AGBL4: variants seen among roughly 807,000 people sequenced by gnomAD.
AGBL4 encodes the protein cytosolic carboxypeptidase 6.
In AGBL4, 58 loss-of-function variants were observed where a neutral mutation model predicts 66.4. The observed-to-expected ratio is 0.87, with a 90% CI of 0.71 to 1.09. The LOEUF (loss-of-function observed/expected upper bound fraction) is 1.09, where lower values mean the gene tolerates loss of function less well. AGBL4 is among the 50% of genes least tolerant of loss of function. AGBL4 has a pLI of 0.00. For synonymous variants in AGBL4, 234 were observed against 222.9 expected, an observed-to-expected ratio of 1.05 and a Z score of -0.44; for missense variants, 579 against 631.0, an observed-to-expected ratio of 0.92 and a Z score of 0.88.
intron 3 of AGBL4, among the ~76,000 whole-genome samples, chr1:49,644,737 A>G (rs1645851555): frequency 6.6e-6 from 1 of 151,586 alleles, no homozygotes; most frequent in Admixed American, 6.6e-5. Context: ...AAGGATGCAG[A>G]AGACTTGAAT....
chr1:49,554,120 A>T (rs1394514655), intron 3 of AGBL4, among the ~76,000 whole-genome samples: 2 of 152,172 alleles, frequency 1.3e-5, no homozygotes, highest in Non-Finnish European at 2.9e-5. Context: ...GTGACAAAGC[A>T]AGATCCTGTC....
At chr1:48,600,972 G>C (rs319980) in intron 9 of AGBL4, among the ~76,000 whole-genome samples, 62,755 of 151,932 alleles carry the variant, frequency 0.41, 13,487 homozygotes, top group African/African-American at 0.54. Flanking sequence ...CTTTCTCCAC[G>C]TCTATGCCTG....
At position 49,192,187 on chromosome 1, in the gene AGBL4, T is replaced by C. The variant is rs546001682; in HGVS notation, c.377+53583A>G. Among the ~76,000 whole-genome samples the C allele has an allele frequency of 2.0e-5, 3 of 152,342 alleles. No homozygotes were observed. In the South Asian group the frequency reaches 6.2e-4, roughly 32 times the overall value. On this transcript the variant is annotated intron_variant, in intron 4 of 13. Coordinates refer to ENST00000371839, the MANE Select transcript of AGBL4 (RefSeq NM_032785.4). ...AGATGGTATCTCATTGTGGTTTTGA[T>C]TTGCATTTCTCTGATGATTAGTGAT...
At chr1:48,930,041 C>T (rs72682923) in intron 5 of AGBL4, among the ~76,000 whole-genome samples, 3 of 152,212 alleles carry the variant, frequency 2.0e-5, no homozygotes, top group Non-Finnish European at 4.4e-5. Context: ...ATCTAGCCCT[C>T]GTTTTTCTAG....
At chr1:49,258,493 G>A (rs1256650067) in intron 3 of AGBL4, among the ~76,000 whole-genome samples, 1 of 152,140 alleles carries the variant, frequency 6.6e-6, no homozygotes, top group African/African-American at 2.4e-5. Context: ...CAAGGCTCGA[G>A]AACTACGTGA....
At chr1:49,796,827 T>C (rs1644742166) in intron 2 of AGBL4, among the ~76,000 whole-genome samples, 1 of 152,038 alleles carries the variant, frequency 6.6e-6, no homozygotes, top group South Asian at 2.1e-4. Context: ...TTTCAATATT[T>C]AAAAGTGACT....
At chr1:49,084,545 G>A (rs1644869683) in intron 4 of AGBL4, among the ~76,000 whole-genome samples, 1 of 152,104 alleles carries the variant, frequency 6.6e-6, no homozygotes, top group South Asian at 2.1e-4. Context: ...ACTACCATGA[G>A]AACAGTATGG....
In AGBL4 at chr1:49,982,773, G is replaced by C. The variant is rs138551401; in HGVS notation, c.34+40990C>G. ...CGTCAGGACAATCAGCTGTGGAGAG[G>C]GGCTACCCACTCCAGGGTCTCCTCT... On this transcript the variant is annotated intron_variant, in intron 1 of 13. Coordinates refer to ENST00000371839, the MANE Select transcript of AGBL4 (RefSeq NM_032785.4). Among the ~76,000 whole-genome samples the C allele has an allele frequency of 6.9e-3, 1,054 of 152,224 alleles. 11 individuals carry two copies. Among genetic ancestry groups the C allele is most frequent in the African/African-American group, 0.024 (981 of 41,520 alleles).
At chr1:49,456,522 A>C (rs1570759109) in intron 3 of AGBL4, among the ~76,000 whole-genome samples, 6 of 151,718 alleles carry the variant, frequency 4.0e-5, no homozygotes, top group Admixed American at 3.9e-4. Flanking sequence ...TTACATTATA[A>C]GTAGTTTCCA....
intron 5 of AGBL4, among the ~76,000 whole-genome samples, chr1:48,959,037 G>T (rs943603741): frequency 2.6e-5 from 4 of 152,174 alleles, no homozygotes; most frequent in African/African-American, 9.7e-5. Context: ...CACACTCAGG[G>T]CCTGGAGAAT....
At chr1:49,249,975 GA>G (rs1480557092) in intron 3 of AGBL4, among the ~76,000 whole-genome samples, 7 of 152,196 alleles carry the variant, frequency 4.6e-5, no homozygotes, top group Non-Finnish European at 8.8e-5. Context: ...TCCAGGCATA[GA>G]AAGATAAATA....
At chr1:49,622,425 C>T (rs533653904) in intron 3 of AGBL4, among the ~76,000 whole-genome samples, 148 of 151,458 alleles carry the variant, frequency 9.8e-4, no homozygotes, top group Admixed American at 3.0e-3. Flanking sequence ...GTCAGGAGAT[C>T]GAGACCATCC....
intron 3 of AGBL4, among the ~76,000 whole-genome samples, chr1:49,331,414 C>T (rs1645331629): frequency 6.6e-6 from 1 of 152,180 alleles, no homozygotes; most frequent in Non-Finnish European, 1.5e-5. Context: ...GGAGGAGGGA[C>T]AAGCCGCCAT....
intron 4 of AGBL4, among the ~76,000 whole-genome samples, chr1:49,100,157 G>A (rs1450931331): frequency 3.9e-5 from 6 of 152,156 alleles, no homozygotes; most frequent in African/African-American, 1.4e-4. Context: ...GAAAGAAGTA[G>A]GAGTTGATGA....
At chr1:49,106,460 G>A (rs537538644) in intron 4 of AGBL4, among the ~76,000 whole-genome samples, 1 of 152,150 alleles carries the variant, frequency 6.6e-6, no homozygotes. Context: ...ATACTGCTTG[G>A]ATGGCTACTG....
At chr1:49,725,080 G>T (rs1648915099) in intron 2 of AGBL4, among the ~76,000 whole-genome samples, 1 of 151,912 alleles carries the variant, frequency 6.6e-6, no homozygotes. Flanking sequence ...AAAAGCACTT[G>T]TTTTTATTAT....
intron 3 of AGBL4, among the ~76,000 whole-genome samples, chr1:49,647,854 CA>C (rs773155990): frequency 0.017 from 1,697 of 98,890 alleles, 25 homozygotes; most frequent in East Asian, 0.072. Flanking sequence ...TGGACTGACC[CA>C]AAAAAAAAAA....
chr1:49,638,704 T>A (rs1645724654), intron 3 of AGBL4, among the ~76,000 whole-genome samples: 1 of 152,220 alleles, frequency 6.6e-6, no homozygotes, highest in African/African-American at 2.4e-5. Flanking sequence ...ATGTAAGACA[T>A]GCCTTTGCTC....
chr1:48,524,093 G>A, the AGBL4 span, among the ~76,000 whole-genome samples: 1 of 152,174 alleles, frequency 6.6e-6, no homozygotes, highest in African/African-American at 2.4e-5. Flanking sequence ...ACAGCTGTGT[G>A]CCCTTCACTT....
Sources: allele counts gnomAD v4.1 joint callset (sites outside exome capture counted in the v4.1 genomes callset), GRCh38; gene constraint gnomAD v4.1.1; transcripts MANE v1.5; gene names NCBI Gene and HGNC (gene_info 2026-07-23, HGNC 2026-07-21).